CERS3: variants seen among roughly 807,000 people sequenced by gnomAD.
CERS3 encodes the protein ceramide synthase 3.
Under a neutral mutation model 50.3 loss-of-function variants are expected in CERS3, and 33 were observed. That is an observed-to-expected ratio of 0.66 (90% CI 0.50 to 0.88). The LOEUF (loss-of-function observed/expected upper bound fraction) is 0.88, where lower values mean the gene tolerates loss of function less well. Among genes scored for constraint, CERS3 ranks in the 40% least tolerant of loss-of-function variants. CERS3 has a pLI of 0.00. For missense variants in CERS3, 470 were observed against 460.3 expected (o/e 1.02, Z -0.19); for synonymous variants, 176 against 155.2 (o/e 1.13, Z -0.99).
At chr15:100,536,353 T>C (rs2037074785) in intron 1 of CERS3, among the ~76,000 whole-genome samples, 1 of 152,174 alleles carries the variant, frequency 6.6e-6, no homozygotes, top group Admixed American at 6.6e-5. Flanking sequence ...AGTGTGATCA[T>C]GGCTCACTGC....
intron 1 of CERS3, among the ~76,000 whole-genome samples, chr15:100,524,458 C>T (rs1403605441): frequency 6.6e-6 from 1 of 152,120 alleles, no homozygotes; most frequent in Non-Finnish European, 1.5e-5. Flanking sequence ...TCCAGAATTC[C>T]ACATAAGGCG....
At chr15:100,448,209 T>G (rs1443101548) in intron 11 of CERS3, among the ~76,000 whole-genome samples, 2 of 152,184 alleles carry the variant, frequency 1.3e-5, no homozygotes, top group Non-Finnish European at 2.9e-5. Context: ...CGAGAATAAC[T>G]AGAGGCATCG....
chr15:100,527,960 G>T (rs181573538), intron 1 of CERS3, among the ~76,000 whole-genome samples: 1 of 152,118 alleles, frequency 6.6e-6, no homozygotes, highest in South Asian at 2.1e-4. Context: ...GCTTGTAGGG[G>T]GGAAGGCAAT....
intron 5 of CERS3, among the ~76,000 whole-genome samples, chr15:100,481,788 C>T (rs1050718396): frequency 6.6e-6 from 1 of 152,220 alleles, no homozygotes; most frequent in Admixed American, 6.5e-5. Flanking sequence ...TCACATGTTT[C>T]TGGACAAATC....
intron 11 of CERS3, among the ~76,000 whole-genome samples, chr15:100,444,739 C>T (rs1017349492): frequency 1.3e-5 from 2 of 152,206 alleles, no homozygotes; most frequent in African/African-American, 4.8e-5. Flanking sequence ...CTTTACTCAA[C>T]ATGCCCTGAG....
chr15:100,527,593 G>A (rs1043253629), intron 1 of CERS3, among the ~76,000 whole-genome samples: 1 of 152,220 alleles, frequency 6.6e-6, no homozygotes, highest in African/African-American at 2.4e-5. Context: ...ATATATCTTA[G>A]TGTGCAGAAA....
In CERS3 at chr15:100,450,009, A is replaced by AG. The variant is rs2034095272; in HGVS notation, c.999+5883_999+5884insC. On this transcript the variant is annotated intron_variant, in intron 11 of 11. Transcript: ENST00000679737. ...CAAGGAAATCAGAAAAACAATTCATAATGTGAATGAGAGGTTTACCAAAGA... is the reference window on the plus strand; with the variant it reads ...CAAGGAAATCAGAAAAACAATTCATAGATGTGAATGAGAGGTTTACCAAAGA... 2.6e-5 allele frequency among the ~76,000 whole-genome samples: 4 copies of AG among 152,368 alleles called. No homozygotes were observed. The South Asian group carries it at 8.3e-4, about 32-fold the overall frequency.
chr15:100,485,501 G>A (rs1363243523), intron 4 of CERS3, among the ~76,000 whole-genome samples: 2 of 152,156 alleles, frequency 1.3e-5, no homozygotes, highest in Non-Finnish European at 2.9e-5. Flanking sequence ...TAAACCTATG[G>A]TAACCTTCTC....
intron 2 of CERS3, among the ~76,000 whole-genome samples, chr15:100,503,022 T>C (rs955963461): frequency 6.6e-6 from 1 of 152,184 alleles, no homozygotes; most frequent in Non-Finnish European, 1.5e-5. Flanking sequence ...AACCAGAGCA[T>C]AGAATAATGT....
At chr15:100,476,525 C>T (rs917377774) in intron 7 of CERS3, among the ~76,000 whole-genome samples, 1 of 152,108 alleles carries the variant, frequency 6.6e-6, no homozygotes, top group Non-Finnish European at 1.5e-5. Flanking sequence ...GTCTTTTCTG[C>T]TGGTCCTACA....
In CERS3 at chr15:100,402,152, CACTT is replaced by C. The variant is rs1485223030; in HGVS notation, c.*557_*560del. On this transcript the variant is annotated 3_prime_UTR_variant, in exon 12 of 12. Transcript: ENST00000679737. ...GTGTGTACTTAAACTTCTGTGATCT[CACTT>C]AATCCTTGCTGTAACCCTGTGGGGT... The C allele has an allele frequency of 6.5e-6, 1 of 153,176 alleles. No individual in the cohort carries two copies. Among genetic ancestry groups the C allele is most frequent in the Non-Finnish European group, 1.5e-5 (1 of 68,770 alleles). 9.5% of individuals were successfully genotyped at this position (153,176 alleles called of 1,614,324 possible).
At chr15:100,412,641 T>G (rs1255045771) in intron 11 of CERS3, among the ~76,000 whole-genome samples, 1 of 152,214 alleles carries the variant, frequency 6.6e-6, no homozygotes, top group Non-Finnish European at 1.5e-5. Flanking sequence ...AGCCAATTTT[T>G]GTAGCTGTTC....
chr15:100,412,492 C>T (rs1324896990), intron 11 of CERS3, among the ~76,000 whole-genome samples: 1 of 152,118 alleles, frequency 6.6e-6, no homozygotes, highest in Non-Finnish European at 1.5e-5. Flanking sequence ...AGTTTGAGTA[C>T]TTCAGCTTTG....
In CERS3 at chr15:100,501,761, C is replaced by T; in HGVS notation, c.89G>A (p.Gly30Glu). Residue 30 changes from glycine to glutamate, a missense_variant, in exon 3 of 12, where the codon GGA becomes GAA. Physicochemically the swap from Gly to Glu is moderately conservative, Grantham distance 98. Transcript: ENST00000679737. ...IKWSDLEDHD[G>E]LVFVKPSHLY... is the part of the protein sequence containing the mutation. ...ATGAGAAGGTTTTACAAAGACGAGT[C>T]CATCGTGATCCTCAAGATCTGACCA... 1 of 1,613,978 alleles carries T rather than the reference C, an allele frequency of 6.2e-7. No individual in the cohort carries two copies. The highest frequency in any genetic ancestry group is 1.3e-5 in the African/African-American group (1 of 75,036).
intron 11 of CERS3, among the ~76,000 whole-genome samples, chr15:100,417,056 A>C (rs2031969112): frequency 6.6e-6 from 1 of 152,234 alleles, no homozygotes; most frequent in Non-Finnish European, 1.5e-5. Flanking sequence ...ACGGCTATGA[A>C]TAAAAAGAAA....
chr15:100,408,118 C>T (rs886702072), intron 11 of CERS3, among the ~76,000 whole-genome samples: 3 of 152,134 alleles, frequency 2.0e-5, no homozygotes, highest in African/African-American at 7.2e-5. Context: ...GTGATCCACC[C>T]ACCCTGGCCT....
intron 7 of CERS3, among the ~76,000 whole-genome samples, 189 bp from the exon 8 acceptor site, chr15:100,476,367 G>A (rs2035126940): frequency 6.6e-6 from 1 of 152,088 alleles, no homozygotes; most frequent in African/African-American, 2.4e-5. Flanking sequence ...ATTTCTAAAA[G>A]GGTAGAGACA....
At chr15:100,412,404 T>A (rs950779087) in intron 11 of CERS3, among the ~76,000 whole-genome samples, 3 of 152,194 alleles carry the variant, frequency 2.0e-5, no homozygotes, top group Non-Finnish European at 4.4e-5. Context: ...TTCTATACCA[T>A]GGTCTTTATG....
chr15:100,402,419 C>T lies in CERS3; in HGVS notation c.*294G>A, dbSNP rs1332793689. 5.8e-6 allele frequency: 2 copies of T among 345,796 alleles called. No individual in the cohort carries two copies. The highest frequency in any genetic ancestry group is 4.2e-5 in the African/African-American group (2 of 47,120). The allele number at this position is 345,796 out of a possible 1,614,324, so 21.4% of individuals were successfully genotyped here. On this transcript the variant is annotated 3_prime_UTR_variant, in exon 12 of 12. Transcript: ENST00000679737. ...AAAGGGTCTATAACAAAGCGAGCCC[C>T]TGAGAAAGTGACATGCATGAGGGAG...
Sources: gnomAD v4.1 joint callset for allele counts (sites outside exome capture counted in the v4.1 genomes callset) on GRCh38, gnomAD v4.1.1 for gene constraint, MANE v1.5 for transcripts, NCBI Gene and HGNC (gene_info 2026-07-23, HGNC 2026-07-21) for gene names.